Variants in RUBCNL observed in about 807,000 individuals in gnomAD.
RUBCNL encodes the protein protein associated with UVRAG as autophagy enhancer.
In RUBCNL, 62 loss-of-function variants were observed where a neutral mutation model predicts 69.5. The ratio of observed to expected loss-of-function variants is 0.89; its 90% CI spans 0.73 to 1.10. The LOEUF is 1.10. Among genes scored for constraint, RUBCNL ranks in the 50% least tolerant of loss-of-function variants. RUBCNL has a pLI of 0.00. For missense variants in RUBCNL, 768 were observed against 798.1 expected, an observed-to-expected ratio of 0.96 and a Z score of 0.45; for synonymous variants, 291 against 303.6, an observed-to-expected ratio of 0.96 and a Z score of 0.43.
chr13:46,349,414 A>C (rs1430672103), intron 11 of RUBCNL, 67 bp from the exon 12 acceptor site: 2 of 1,426,504 alleles, frequency 1.4e-6, no homozygotes, highest in African/African-American at 2.8e-5. Flanking sequence ...AGTGCAAGTC[A>C]AATTTAAATG....
At position 46,338,390 on chromosome 13, in the gene RUBCNL, C is replaced by T. The variant is rs1165173590; in HGVS notation, c.*4995G>A. On this transcript the variant is annotated 3_prime_UTR_variant, in exon 15 of 15. Coordinates refer to ENST00000429979, the MANE Select transcript of RUBCNL (RefSeq NM_025113.5). ...CACTTTGGCTCCATCCTACAAGCAG[C>T]TGCCCCTTGGCTGCCTCTTGGTCTT... 6.6e-6 allele frequency among the ~76,000 whole-genome samples: 1 copy of T among 152,152 alleles called. No individual in the cohort carries two copies. The highest frequency in any genetic ancestry group is 1.5e-5 in the Non-Finnish European group (1 of 68,030).
At chr13:46,345,219 T>C (rs576391668) in intron 13 of RUBCNL, among the ~76,000 whole-genome samples, 1 of 152,318 alleles carries the variant, frequency 6.6e-6, no homozygotes, top group Admixed American at 6.5e-5. Context: ...TGAGCAGAAC[T>C]GGGCACCCAG....
At chr13:46,354,411 T>C (rs1566069908) in intron 10 of RUBCNL, among the ~76,000 whole-genome samples, 1 of 152,186 alleles carries the variant, frequency 6.6e-6, no homozygotes, top group African/African-American at 2.4e-5. Flanking sequence ...GCAACTCTTC[T>C]GTAAATCTAA....
At chr13:46,370,648 C>A (rs1030257942) in intron 3 of RUBCNL, among the ~76,000 whole-genome samples, 2 of 152,086 alleles carry the variant, frequency 1.3e-5, no homozygotes, top group Non-Finnish European at 2.9e-5. Flanking sequence ...TGTTTTCTTT[C>A]TGAGTAAAAG....
At chr13:46,386,080 G>A (rs2049236606) in intron 1 of RUBCNL, among the ~76,000 whole-genome samples, 2 of 152,066 alleles carry the variant, frequency 1.3e-5, no homozygotes, top group South Asian at 2.1e-4. Flanking sequence ...AAGTTCTGTC[G>A]GCGGCCGGCA....
chr13:46,348,365 CAATAAT>C (rs1314866165), intron 12 of RUBCNL, among the ~76,000 whole-genome samples: 2 of 152,020 alleles, frequency 1.3e-5, no homozygotes. Flanking sequence ...TTAATGATAA[CAATAAT>C]AATAATAAAA....
chr13:46,388,931 G>A (rs1408118754), upstream of RUBCNL, among the ~76,000 whole-genome samples: 1 of 152,138 alleles, frequency 6.6e-6, no homozygotes, highest in East Asian at 1.9e-4. Flanking sequence ...CTTCCCTTGG[G>A]GGCAGCCTGT....
chr13:46,368,149 T>C lies in RUBCNL; in HGVS notation c.719A>G (p.Glu240Gly), dbSNP rs756610895. Residue 240 changes from glutamate to glycine, a missense_variant, in exon 5 of 15, where the codon GAA becomes GGA. Transcript: ENST00000429979. ...SQQQTESWSKEVSGLLGSDQP... is the reference protein window; with the variant it reads ...SQQQTESWSKGVSGLLGSDQP... ...ATCACTCCCAAGTAACCCACTGACT[T>C]CTTTACTCCAGCTCTCTGTCTGCTG... 1 of 1,613,978 alleles carries C rather than the reference T, an allele frequency of 6.2e-7. No individual in the cohort carries two copies. The highest frequency in any genetic ancestry group is 8.5e-7 in the Non-Finnish European group (1 of 1,179,860).
In RUBCNL at chr13:46,340,076, T is replaced by C. The variant is rs1004216061; in HGVS notation, c.*3309A>G. 5.3e-5 allele frequency among the ~76,000 whole-genome samples: 8 copies of C among 151,990 alleles called. No individual in the cohort carries two copies. Among genetic ancestry groups the C allele is most frequent in the African/African-American group, 1.9e-4 (8 of 41,394 alleles). On this transcript the variant is annotated 3_prime_UTR_variant, in exon 15 of 15. Transcript: ENST00000429979. The stretch of plus-strand genomic sequence containing the variant: ...CTTGTAGATGCATCACCCCAACCTC[T>C]GCTTTTTTTCTTCCCTGCATCTTCT...
rs369942812 is a variant in RUBCNL at position 46,338,553 on chromosome 13, C to T, written c.*4832G>A. Among the ~76,000 whole-genome samples, 12 of 152,202 alleles carry T rather than the reference C, an allele frequency of 7.9e-5. No homozygotes were observed. The highest frequency in any genetic ancestry group is 2.6e-4 in the Admixed American group (4 of 15,294). The stretch of plus-strand genomic sequence containing the variant: ...ACAGGAGGGGTGGGGGCTTTGGGTG[C>T]GCTTGCCCTTTGTCTCCTCACCAAT... On this transcript the variant is annotated 3_prime_UTR_variant, in exon 15 of 15. Transcript: ENST00000429979.
At chr13:46,344,203 G>A (rs1182541360) in intron 14 of RUBCNL, among the ~76,000 whole-genome samples, 1 of 152,192 alleles carries the variant, frequency 6.6e-6, no homozygotes. Flanking sequence ...AGGAGGATAT[G>A]CCCCTATCAA....
At position 46,342,027 on chromosome 13, in the gene RUBCNL, T is replaced by C. The variant is rs191394310; in HGVS notation, c.*1358A>G. 3.3e-4 allele frequency: 51 copies of C among 152,258 alleles called. No homozygotes were observed. The highest frequency in any genetic ancestry group is 1.1e-3 in the African/African-American group (47 of 41,470). 9.4% of individuals were successfully genotyped at this position (152,258 alleles called of 1,614,324 possible). On this transcript the variant is annotated 3_prime_UTR_variant, in exon 15 of 15. Coordinates refer to ENST00000429979, the MANE Select transcript of RUBCNL (RefSeq NM_025113.5). ...TTGAAGTCTGGTTTTATTTATTCTATGTGCCTCTACACTTCTATAATACTT... is the reference window on the plus strand; with the variant it reads ...TTGAAGTCTGGTTTTATTTATTCTACGTGCCTCTACACTTCTATAATACTT...
intron 11 of RUBCNL, 140 bp downstream of exon 11, chr13:46,349,973 T>C: frequency 1.5e-6 from 1 of 682,672 alleles, no homozygotes; most frequent in Non-Finnish European, 2.5e-6. Flanking sequence ...TGTGAGCCCC[T>C]GCGCCCAGCC....
At chr13:46,364,350 C>T (rs537705862) in intron 5 of RUBCNL, among the ~76,000 whole-genome samples, 244 of 152,064 alleles carry the variant, frequency 1.6e-3, no homozygotes, top group Admixed American at 3.8e-3. Flanking sequence ...TAAGCTAAAA[C>T]CACACCATTG....
At chr13:46,343,767 G>A (rs542648087) in intron 14 of RUBCNL, among the ~76,000 whole-genome samples, 4 of 152,258 alleles carry the variant, frequency 2.6e-5, no homozygotes, top group South Asian at 2.1e-4. Flanking sequence ...AAGCACTGAG[G>A]CAGGCGTTTC....
At chr13:46,384,466 C>T (rs1442037334) in intron 1 of RUBCNL, among the ~76,000 whole-genome samples, 4 of 152,148 alleles carry the variant, frequency 2.6e-5, no homozygotes, top group Admixed American at 1.3e-4. Context: ...TGTACTTACT[C>T]TACAGTTTTC....
rs2048886088 is a variant in RUBCNL at position 46,372,007 on chromosome 13, AGGT to A, written c.466_468del (p.Thr156del). 6.2e-7 allele frequency: 1 copy of A among 1,613,964 alleles called. No homozygotes were observed. The highest frequency in any genetic ancestry group is 8.5e-7 in the Non-Finnish European group (1 of 1,179,872). On this transcript the variant is annotated inframe_deletion, in exon 3 of 15. Transcript: ENST00000429979. ...GCACTGTCAGTCTCAGGATATGGGG[AGGT>A]GGCCAAAATCCCAGGGCTTGTGGGC... is the stretch of plus-strand genomic sequence containing the variant.
intron 8 of RUBCNL, among the ~76,000 whole-genome samples, chr13:46,360,841 C>G (rs928060210): frequency 2.0e-5 from 3 of 152,220 alleles, no homozygotes; most frequent in Non-Finnish European, 4.4e-5. Flanking sequence ...TGCTTCACAG[C>G]TGACCAGCCC....
At chr13:46,355,334 A>C (rs2048462586) in intron 10 of RUBCNL, among the ~76,000 whole-genome samples, 2 of 144,234 alleles carry the variant, frequency 1.4e-5, no homozygotes, top group African/African-American at 5.2e-5. Context: ...TCACTTTGTC[A>C]TGCAGGCTGG....
Sources: allele counts gnomAD v4.1 joint callset (sites outside exome capture counted in the v4.1 genomes callset), GRCh38; gene constraint gnomAD v4.1.1; transcripts MANE v1.5; gene names NCBI Gene and HGNC (gene_info 2026-07-23, HGNC 2026-07-21).